The following FKBP7 variants were observed in gnomAD, a reference collection of about 807,000 sequenced individuals.
FKBP7 encodes peptidyl-prolyl cis-trans isomerase FKBP7.
FKBP7 carries 24 observed loss-of-function variants against 24.3 expected under a neutral mutation model. That is an observed-to-expected ratio of 0.99 (90% CI 0.72 to 1.39). The LOEUF (loss-of-function observed/expected upper bound fraction) is 1.39. Among genes scored for constraint, FKBP7 ranks in the 40% most tolerant of loss-of-function variants. The pLI is 0.00. For synonymous variants in FKBP7, 98 were observed against 92.8 expected (o/e 1.06, Z -0.32); for missense variants, 257 against 269.5 (o/e 0.95, Z 0.33).
In FKBP7 at chr2:178,478,431, A is replaced by G; in HGVS notation, c.69T>C (p.Ala23=). The G allele has an allele frequency of 6.2e-7, 1 of 1,614,162 alleles. No individual in the cohort carries two copies. The highest frequency in any genetic ancestry group is 8.5e-7 in the Non-Finnish European group (1 of 1,180,028). Residue 23 remains alanine, a synonymous_variant, in exon 1 of 4, where the codon GCT becomes GCC. Coordinates refer to ENST00000424785, the MANE Select transcript of FKBP7 (RefSeq NM_181342.3). ...VFFYLWGLFT[A]QRQKKEESTE... ...TGCTCTCCTCTTTCTTTTGTCTCTG[A>G]GCAGTAAAAAGGCCCCACAGATAAA... is the stretch of plus-strand genomic sequence containing the variant.
Position 178,464,191 on chromosome 2 carries a change from G to T in FKBP7, c.*1579C>A, listed in dbSNP as rs1442961127. On this transcript the variant is annotated 3_prime_UTR_variant, in exon 4 of 4. Coordinates refer to ENST00000424785, the MANE Select transcript of FKBP7 (RefSeq NM_181342.3). ...ATAGAATTTTTGATAGTGTAAAGAAGTTAAAGGATGAACAATGGTTTGGAA... is the reference window on the plus strand; with the variant it reads ...ATAGAATTTTTGATAGTGTAAAGAATTTAAAGGATGAACAATGGTTTGGAA... 2 of 152,202 alleles carry T rather than the reference G, an allele frequency of 1.3e-5. No homozygotes were observed. Among genetic ancestry groups the T allele is most frequent in the African/African-American group, 4.8e-5 (2 of 41,450 alleles). 9.4% of individuals were successfully genotyped at this position (152,202 alleles called of 1,614,324 possible).
intron 2 of FKBP7, among the ~76,000 whole-genome samples, chr2:178,475,168 C>A (rs1481044307): frequency 6.6e-6 from 1 of 152,066 alleles, no homozygotes; most frequent in Non-Finnish European, 1.5e-5. Context: ...AGTGAATGTT[C>A]TTTTACATAT....
intron 2 of FKBP7, chr2:178,473,064 T>G: frequency 7.7e-7 from 1 of 1,305,394 alleles, no homozygotes; most frequent in Non-Finnish European, 1.0e-6. Flanking sequence ...ACAAGTCACA[T>G]GCATTTCAAG....
At chr2:178,466,759 T>A (rs1439660168) in intron 3 of FKBP7, among the ~76,000 whole-genome samples, 1 of 152,188 alleles carries the variant, frequency 6.6e-6, no homozygotes, top group African/African-American at 2.4e-5. Flanking sequence ...ACTATAAAAA[T>A]TTTAAAATTA....
rs764424771 is a variant in FKBP7 at position 178,477,180 on chromosome 2, AAACCATTTG to A, written c.246_254del (p.Lys83_Phe85del). On this transcript the variant is annotated inframe_deletion, in exon 2 of 4. Coordinates refer to ENST00000424785, the MANE Select transcript of FKBP7 (RefSeq NM_181342.3). ...TTATGACTTGCCCAACACCAAGAAC[AAACCATTTG>A]GGGTGGCCTTCATTTTGTGTCCGGC... 3.7e-6 allele frequency: 6 copies of A among 1,612,692 alleles called. No homozygotes were observed. Among genetic ancestry groups the A allele is most frequent in the Non-Finnish European group, 5.1e-6 (6 of 1,179,688 alleles).
At position 178,465,949 on chromosome 2, in the gene FKBP7, C is replaced by T. The variant is rs992011384; in HGVS notation, c.508-18G>A. 7.0e-6 allele frequency: 11 copies of T among 1,566,920 alleles called. No individual in the cohort carries two copies. The highest frequency in any genetic ancestry group is 9.5e-6 in the Non-Finnish European group (11 of 1,160,214). On this transcript the variant is annotated intron_variant, in intron 3 of 3. Coordinates refer to ENST00000424785, the MANE Select transcript of FKBP7 (RefSeq NM_181342.3). ...AGGTTTATCTGGAAGGCCAAAATAA[C>T]ATTCCTTTAATTAAAAGGTATCACA...
intron 2 of FKBP7, among the ~76,000 whole-genome samples, chr2:178,472,195 C>T (rs1411137718): frequency 6.6e-6 from 1 of 150,968 alleles, no homozygotes; most frequent in African/African-American, 2.4e-5. Context: ...GTGTTTCAGC[C>T]TCCCAAGTAG....
chr2:178,471,161 G>A (rs2154126863), intron 2 of FKBP7, among the ~76,000 whole-genome samples: 1 of 151,684 alleles, frequency 6.6e-6, no homozygotes, highest in South Asian at 2.1e-4. Context: ...CACTGTGCCT[G>A]GCCAGAATTG....
intron 2 of FKBP7, among the ~76,000 whole-genome samples, chr2:178,473,936 G>A (rs78163836): frequency 2.0e-3 from 297 of 152,228 alleles, no homozygotes; most frequent in African/African-American, 6.7e-3. Context: ...TTGGCAAAAA[G>A]CATTAAAAAT....
At chr2:178,471,488 C>T (rs945844827) in intron 2 of FKBP7, among the ~76,000 whole-genome samples, 5 of 152,184 alleles carry the variant, frequency 3.3e-5, no homozygotes, top group African/African-American at 1.2e-4. Flanking sequence ...GCTGGGATTA[C>T]AGGCGTGAGT....
chr2:178,466,482 C>G (rs1183716555), intron 3 of FKBP7, among the ~76,000 whole-genome samples: 1 of 152,106 alleles, frequency 6.6e-6, no homozygotes, highest in Non-Finnish European at 1.5e-5. Context: ...TATAAAATTT[C>G]TATATGCAAA....
intron 3 of FKBP7, among the ~76,000 whole-genome samples, chr2:178,468,550 G>A (rs994113280): frequency 1.3e-5 from 2 of 151,834 alleles, no homozygotes; most frequent in African/African-American, 4.8e-5. Context: ...TGAGCCCAGG[G>A]GTTTAAGGGT....
chr2:178,472,456 T>C (rs1251713005), intron 2 of FKBP7, among the ~76,000 whole-genome samples: 1 of 151,954 alleles, frequency 6.6e-6, no homozygotes, highest in East Asian at 1.9e-4. Context: ...TAGAAAATAT[T>C]GGCCGGGCGC....
intron 2 of FKBP7, among the ~76,000 whole-genome samples, chr2:178,470,270 T>C (rs957649712): frequency 2.6e-5 from 4 of 152,248 alleles, no homozygotes; most frequent in Admixed American, 1.3e-4. Flanking sequence ...AACAATCTTT[T>C]ACATAACATT....
intron 3 of FKBP7, among the ~76,000 whole-genome samples, chr2:178,467,344 T>C (rs1265408453): frequency 6.6e-6 from 1 of 152,204 alleles, no homozygotes; most frequent in Non-Finnish European, 1.5e-5. Context: ...AGTTTTTCTT[T>C]TTCTTTTTTA....
chr2:178,470,933 A>G (rs1684832591), intron 2 of FKBP7, among the ~76,000 whole-genome samples: 2 of 152,042 alleles, frequency 1.3e-5, no homozygotes, highest in Non-Finnish European at 2.9e-5. Flanking sequence ...GCTGGAGTGC[A>G]GTGGTGCAAT....
intron 1 of FKBP7, among the ~76,000 whole-genome samples, 172 bp from the exon 2 acceptor site, chr2:178,477,385 G>T (rs1489450044): frequency 1.3e-5 from 2 of 152,130 alleles, no homozygotes; most frequent in Non-Finnish European, 2.9e-5. Context: ...CCAGAAAGAA[G>T]TATGATTTGC....
In FKBP7 at chr2:178,478,379, G is replaced by T; in HGVS notation, c.121C>A (p.His41Asn). 1.2e-6 allele frequency: 2 copies of T among 1,614,188 alleles called. No homozygotes were observed. The highest frequency in any genetic ancestry group is 1.7e-6 in the Non-Finnish European group (2 of 1,180,032). The stretch of plus-strand genomic sequence containing the variant: ...GTCTTAGAGCAGTTTTCTGGACGAT[G>T]CAAAACTTCTATTTTCACTTCTTCG... ...STEEVKIEVL[H>N]RPENCSKTSK... Residue 41 changes from histidine to asparagine, a missense_variant, in exon 1 of 4, where the codon CAT becomes AAT. Physicochemically the swap from His to Asn is moderately conservative, Grantham distance 68. Coordinates refer to ENST00000424785, the MANE Select transcript of FKBP7 (RefSeq NM_181342.3).
chr2:178,472,663 A>C (rs1684881162), intron 2 of FKBP7, among the ~76,000 whole-genome samples: 1 of 151,894 alleles, frequency 6.6e-6, no homozygotes, highest in Admixed American at 6.5e-5. Flanking sequence ...AGCCTGGCCA[A>C]CATGGCGAAA....
Sources: allele counts gnomAD v4.1 joint callset (sites outside exome capture counted in the v4.1 genomes callset), GRCh38; gene constraint gnomAD v4.1.1; transcripts MANE v1.5; gene names NCBI Gene and HGNC (gene_info 2026-07-23, HGNC 2026-07-21).